Variants in NR6A1 observed in about 807,000 individuals in gnomAD.
NR6A1 encodes the protein nuclear receptor subfamily 6 group A member 1.
A neutral mutation model predicts 59.1 loss-of-function variants in NR6A1; 7 were observed. The ratio of observed to expected loss-of-function variants is 0.12; its 90% confidence interval spans 0.07 to 0.22. The LOEUF (loss-of-function observed/expected upper bound fraction) is 0.22, where lower values mean the gene tolerates loss of function less well. Ranked by LOEUF, NR6A1 falls within the 10% of genes least tolerant of loss-of-function variation. NR6A1 has a pLI of 1.00. For missense variants in NR6A1, 468 were observed against 611.6 expected (o/e 0.77, Z 2.48); for synonymous variants, 243 against 236.1 (o/e 1.03, Z -0.27).
At chr9:124,524,389 T>G (rs1380363083) in intron 9 of NR6A1, among the ~76,000 whole-genome samples, 2 of 152,176 alleles carry the variant, frequency 1.3e-5, no homozygotes, top group Non-Finnish European at 2.9e-5. Flanking sequence ...TTCAAGAAAT[T>G]AAGTTAATTT....
At chr9:124,596,942 T>C (rs1246611449) in intron 2 of NR6A1, among the ~76,000 whole-genome samples, 1 of 152,262 alleles carries the variant, frequency 6.6e-6, no homozygotes, top group Non-Finnish European at 1.5e-5. Flanking sequence ...AAATGTTTCA[T>C]TCTATGAAAT....
chr9:124,574,721 T>G (rs985753990), intron 2 of NR6A1, among the ~76,000 whole-genome samples: 4 of 152,180 alleles, frequency 2.6e-5, no homozygotes, highest in Non-Finnish European at 5.9e-5. Flanking sequence ...CTGGACATAT[T>G]CTTGCTTGGA....
intron 2 of NR6A1, among the ~76,000 whole-genome samples, chr9:124,592,295 T>C (rs1388948295): frequency 6.6e-6 from 1 of 152,226 alleles, no homozygotes; most frequent in African/African-American, 2.4e-5. Context: ...AAAAGGGTCA[T>C]GGTAGGTTTC....
intron 1 of NR6A1, among the ~76,000 whole-genome samples, chr9:124,756,032 A>C (rs1263842959): frequency 6.6e-6 from 1 of 152,116 alleles, no homozygotes; most frequent in African/African-American, 2.4e-5. Context: ...ATAGATGACA[A>C]ACTTAATTAT....
chr9:124,530,683 C>T (rs1833075944), intron 7 of NR6A1, among the ~76,000 whole-genome samples: 1 of 152,186 alleles, frequency 6.6e-6, no homozygotes, highest in South Asian at 2.1e-4. Flanking sequence ...GATCTAAATG[C>T]ACCTACCCCC....
chr9:124,608,071 TA>T (rs1388784653), intron 2 of NR6A1, among the ~76,000 whole-genome samples: 3 of 151,308 alleles, frequency 2.0e-5, no homozygotes, highest in Middle Eastern at 3.2e-3. Context: ...AAAAAATAAA[TA>T]AAAAAAATAA....
chr9:124,601,208 G>A (rs1309199315), intron 2 of NR6A1, among the ~76,000 whole-genome samples: 2 of 151,986 alleles, frequency 1.3e-5, no homozygotes, highest in South Asian at 4.1e-4. Context: ...CCCCGGAGAC[G>A]GAGGTTGCAG....
At chr9:124,609,077 T>G (rs140146934) in intron 2 of NR6A1, among the ~76,000 whole-genome samples, 1 of 152,230 alleles carries the variant, frequency 6.6e-6, no homozygotes, top group African/African-American at 2.4e-5. Flanking sequence ...TCTCCCATTC[T>G]ATAGGTTGTC....
chr9:124,583,563 T>C (rs1440456574), intron 2 of NR6A1, among the ~76,000 whole-genome samples: 1 of 152,168 alleles, frequency 6.6e-6, no homozygotes. Flanking sequence ...GGCTCTCTTC[T>C]GTTTAGGGGC....
Position 124,520,112 on chromosome 9 carries a change from G to C in NR6A1, c.*2593C>G, listed in dbSNP as rs1036086178. 1 of 151,932 alleles carries C rather than the reference G, an allele frequency of 6.6e-6. No homozygotes were observed. The highest frequency in any genetic ancestry group is 1.5e-5 in the Non-Finnish European group (1 of 68,024). The allele number at this position is 151,932 out of a possible 1,614,324, so 9.4% of individuals were successfully genotyped here. A position where few individuals can be genotyped will look rare whatever the true frequency, so the allele number is the denominator to read the frequency against. ...CAAACCTCCCCTCCAACCTTTCTCC[G>C]TGTCCTTCAAACCAAATTCACAAAT... On this transcript the variant is annotated 3_prime_UTR_variant, in exon 10 of 10. Transcript: ENST00000487099.
chr9:124,520,616 G>A lies in NR6A1; in HGVS notation c.*2089C>T, dbSNP rs1314807905. Reference sequence around the variant, plus strand: ...ACAGATAGAGGCCTCAGCAAAGAACGATGCTGTACACAGGAGCTGTCTTAG... The same window carrying A: ...ACAGATAGAGGCCTCAGCAAAGAACAATGCTGTACACAGGAGCTGTCTTAG... On this transcript the variant is annotated 3_prime_UTR_variant, in exon 10 of 10. Transcript: ENST00000487099. 1 of 152,240 alleles carries A rather than the reference G, an allele frequency of 6.6e-6. No individual in the cohort carries two copies. Among genetic ancestry groups the A allele is most frequent in the Admixed American group, 6.5e-5 (1 of 15,288 alleles). 9.4% of individuals were successfully genotyped at this position (152,240 alleles called of 1,614,324 possible).
chr9:124,751,187 C>T (rs1840489530), intron 1 of NR6A1, among the ~76,000 whole-genome samples: 3 of 152,126 alleles, frequency 2.0e-5, no homozygotes, highest in South Asian at 2.1e-4. Context: ...AAACCATTAA[C>T]GACAAAATTT....
At chr9:124,649,901 T>C (rs568585746) in intron 2 of NR6A1, among the ~76,000 whole-genome samples, 168 of 152,290 alleles carry the variant, frequency 1.1e-3, no homozygotes, top group African/African-American at 3.9e-3. Flanking sequence ...TACAAGATAT[T>C]ATCTCACCCC....
At chr9:124,751,282 G>C (rs1464106167) in intron 1 of NR6A1, among the ~76,000 whole-genome samples, 1 of 152,190 alleles carries the variant, frequency 6.6e-6, no homozygotes, top group Non-Finnish European at 1.5e-5. Flanking sequence ...ACTCAGCGAA[G>C]AAATCAGTTG....
chr9:124,698,321 C>G (rs1300196368), intron 2 of NR6A1: 1 of 151,962 alleles, frequency 6.6e-6, no homozygotes, highest in East Asian at 1.9e-4. Flanking sequence ...CTTTTAGATG[C>G]AGAATCTACC....
chr9:124,526,687 C>G, intron 8 of NR6A1, 92 bp downstream of exon 8: 2 of 1,553,610 alleles, frequency 1.3e-6, no homozygotes, highest in Non-Finnish European at 1.8e-6. Flanking sequence ...GTGTGATAGT[C>G]CTGAGGGTAA....
intron 2 of NR6A1, among the ~76,000 whole-genome samples, chr9:124,613,708 T>G (rs1175972689): frequency 6.6e-6 from 1 of 151,814 alleles, no homozygotes; most frequent in African/African-American, 2.4e-5. Context: ...AAAGAAAAGC[T>G]CAAACTTTGC....
intron 1 of NR6A1, among the ~76,000 whole-genome samples, chr9:124,748,801 C>A (rs1840410665): frequency 6.7e-6 from 1 of 148,970 alleles, no homozygotes; most frequent in Non-Finnish European, 1.5e-5. Flanking sequence ...GGAGGTGGAG[C>A]TTGCAGTGAG....
intron 2 of NR6A1, among the ~76,000 whole-genome samples, chr9:124,718,871 G>C (rs1249113537): frequency 7.2e-6 from 1 of 138,970 alleles, no homozygotes; most frequent in Non-Finnish European, 1.5e-5. Context: ...CTGGAGTACA[G>C]TGGCGCGATC....
Sources: allele counts gnomAD v4.1 joint callset (sites outside exome capture counted in the v4.1 genomes callset), GRCh38; gene constraint gnomAD v4.1.1; transcripts MANE v1.5; gene names NCBI Gene and HGNC (gene_info 2026-07-23, HGNC 2026-07-21).